The following KHDRBS2 variants were observed in gnomAD, a reference collection of about 807,000 sequenced individuals.
The protein encoded by KHDRBS2 is KH RNA binding domain containing, signal transduction associated 2.
Under a neutral mutation model 44.3 loss-of-function variants are expected in KHDRBS2, and 26 were observed. The ratio of observed to expected loss-of-function variants is 0.59; its 90% CI spans 0.43 to 0.81. The LOEUF (loss-of-function observed/expected upper bound fraction) is 0.81, where lower values mean the gene tolerates loss of function less well. Ranked by LOEUF, KHDRBS2 falls within the 40% of genes least tolerant of loss-of-function variation. KHDRBS2 has a pLI of 0.00. For synonymous variants in KHDRBS2, 194 were observed against 151.1 expected, an observed-to-expected ratio of 1.28 and a Z score of -2.08; for missense variants, 476 against 433.1, an observed-to-expected ratio of 1.10 and a Z score of -0.88.
chr6:62,097,542 C>G (rs1336840111), intron 2 of KHDRBS2, among the ~76,000 whole-genome samples: 2 of 151,936 alleles, frequency 1.3e-5, no homozygotes, highest in Non-Finnish European at 2.9e-5. Flanking sequence ...ATAAGCATAG[C>G]TAATCCAGCT....
At chr6:61,606,036 T>A in the KHDRBS2 span, among the ~76,000 whole-genome samples, 7 of 152,150 alleles carry the variant, frequency 4.6e-5, no homozygotes, top group African/African-American at 1.4e-4. Flanking sequence ...TCCTGGTTCA[T>A]CCTTGCTCAA....
chr6:61,981,880 T>G (rs562688211), intron 3 of KHDRBS2, among the ~76,000 whole-genome samples: 1 of 152,174 alleles, frequency 6.6e-6, no homozygotes, highest in Non-Finnish European at 1.5e-5. Context: ...TTCAGAAATT[T>G]TATGAAGTTC....
chr6:61,869,139 T>C (rs1457475931), intron 6 of KHDRBS2, among the ~76,000 whole-genome samples: 1 of 152,176 alleles, frequency 6.6e-6, no homozygotes, highest in Non-Finnish European at 1.5e-5. Context: ...CCTGCTTTTC[T>C]CCATACTCCA....
At chr6:62,263,998 C>G (rs1585498970) in intron 1 of KHDRBS2, among the ~76,000 whole-genome samples, 1 of 151,714 alleles carries the variant, frequency 6.6e-6, no homozygotes, top group Non-Finnish European at 1.5e-5. Flanking sequence ...AATGCAGAGT[C>G]AGGTACACGG....
At chr6:61,759,190 A>T (rs537974399) in intron 6 of KHDRBS2, among the ~76,000 whole-genome samples, 4 of 152,158 alleles carry the variant, frequency 2.6e-5, no homozygotes, top group Admixed American at 2.0e-4. Flanking sequence ...AACATTCTTA[A>T]CTAGACATCT....
intron 7 of KHDRBS2, among the ~76,000 whole-genome samples, chr6:61,698,381 A>T (rs1561984055): frequency 1.3e-5 from 2 of 152,070 alleles, no homozygotes; most frequent in Non-Finnish European, 2.9e-5. Flanking sequence ...CTAATGTTCT[A>T]TCTAATAGCA....
chr6:61,574,705 G>T, the KHDRBS2 span, among the ~76,000 whole-genome samples: 2 of 152,190 alleles, frequency 1.3e-5, no homozygotes, highest in African/African-American at 4.8e-5. Context: ...AGGAGTTTGG[G>T]ACCAGCCTGG....
chr6:61,845,653 G>A (rs1228504517), intron 6 of KHDRBS2, among the ~76,000 whole-genome samples: 1 of 152,180 alleles, frequency 6.6e-6, no homozygotes, highest in Admixed American at 6.5e-5. Flanking sequence ...ATCAGAGTTG[G>A]TGCCAATGGA....
intron 2 of KHDRBS2, among the ~76,000 whole-genome samples, chr6:62,150,860 T>C (rs1815008585): frequency 6.6e-6 from 1 of 152,230 alleles, no homozygotes; most frequent in African/African-American, 2.4e-5. Context: ...TTTATACTTC[T>C]GTAAGCAACT....
the KHDRBS2 span, among the ~76,000 whole-genome samples, chr6:61,619,007 C>T: frequency 6.6e-6 from 1 of 152,108 alleles, no homozygotes; most frequent in Non-Finnish European, 1.5e-5. Flanking sequence ...CTCAGCAGCA[C>T]ATTGAACAAA....
At chr6:61,635,811 C>G in the KHDRBS2 span, among the ~76,000 whole-genome samples, 11 of 152,076 alleles carry the variant, frequency 7.2e-5, no homozygotes, top group South Asian at 2.3e-3. Flanking sequence ...TTCTAGGTCA[C>G]TGGAGATTTA....
intron 4 of KHDRBS2, among the ~76,000 whole-genome samples, chr6:61,943,426 T>A (rs1165703222): frequency 6.6e-6 from 1 of 151,106 alleles, no homozygotes; most frequent in Non-Finnish European, 1.5e-5. Context: ...ACAAAGACTA[T>A]AAGAAACAAC....
intron 3 of KHDRBS2, among the ~76,000 whole-genome samples, chr6:61,997,455 A>G (rs1777417549): frequency 6.6e-6 from 1 of 152,182 alleles, no homozygotes; most frequent in Admixed American, 6.5e-5. Flanking sequence ...TTTTTAATTG[A>G]AATAACTAAA....
chr6:61,595,515 C>T, the KHDRBS2 span, among the ~76,000 whole-genome samples: 1 of 152,022 alleles, frequency 6.6e-6, no homozygotes, highest in South Asian at 2.1e-4. Flanking sequence ...TTATAACTTT[C>T]CTCAACAAAA....
intron 3 of KHDRBS2, among the ~76,000 whole-genome samples, chr6:62,007,935 T>C (rs1277144024): frequency 7.2e-5 from 11 of 152,186 alleles, no homozygotes; most frequent in Admixed American, 3.3e-4. Context: ...TGCAAAAGTA[T>C]AGAAAATATC....
intron 2 of KHDRBS2, among the ~76,000 whole-genome samples, chr6:62,123,298 T>A (rs559378175): frequency 1.3e-5 from 2 of 152,218 alleles, no homozygotes; most frequent in Non-Finnish European, 2.9e-5. Context: ...CAGTCTATCA[T>A]TGATGGACAT....
intron 4 of KHDRBS2, among the ~76,000 whole-genome samples, chr6:61,934,054 CCTTT>C (rs1562468989): frequency 6.6e-6 from 1 of 151,676 alleles, no homozygotes; most frequent in Non-Finnish European, 1.5e-5. Context: ...TGATGTTGAA[CCTTT>C]CTTTCATGTA....
At chr6:61,587,783 A>G in the KHDRBS2 span, among the ~76,000 whole-genome samples, 1 of 152,078 alleles carries the variant, frequency 6.6e-6, no homozygotes, top group African/African-American at 2.4e-5. Flanking sequence ...TCTTTCTCCG[A>G]TTTCATCTTT....
At chr6:62,003,795 T>C (rs1265456508) in intron 3 of KHDRBS2, among the ~76,000 whole-genome samples, 1 of 151,996 alleles carries the variant, frequency 6.6e-6, no homozygotes, top group Admixed American at 6.6e-5. Flanking sequence ...ATGTAAAAGA[T>C]CAGAAATCAC....
Sources: gnomAD v4.1 joint callset for allele counts (sites outside exome capture counted in the v4.1 genomes callset) on GRCh38, gnomAD v4.1.1 for gene constraint, MANE v1.5 for transcripts, NCBI Gene and HGNC (gene_info 2026-07-23, HGNC 2026-07-21) for gene names.